The following MROH9 variants were observed in gnomAD, a reference collection of about 807,000 sequenced individuals.
The protein encoded by MROH9 is maestro heat like repeat family member 9.
Under a neutral mutation model 98.2 loss-of-function variants are expected in MROH9, and 92 were observed. The ratio of observed to expected loss-of-function variants is 0.94; its 90% CI spans 0.79 to 1.11. The LOEUF is 1.11. MROH9 is among the 50% of genes most tolerant of loss of function. The pLI is 0.00. For missense variants in MROH9, 1,057 were observed against 1,014.8 expected (o/e 1.04, Z -0.57); for synonymous variants, 397 against 368.9 (o/e 1.08, Z -0.87).
chr1:170,957,795 G>C (rs9427201), intron 3 of MROH9, among the ~76,000 whole-genome samples: 1 of 124,648 alleles, frequency 8.0e-6, no homozygotes, highest in Non-Finnish European at 1.9e-5. Context: ...GCATTTTTTT[G>C]TTTTTTTTTT....
intron 3 of MROH9, among the ~76,000 whole-genome samples, chr1:170,954,617 G>A (rs1185037899): frequency 6.6e-6 from 1 of 151,936 alleles, no homozygotes; most frequent in African/African-American, 2.4e-5. Flanking sequence ...TTACGTTCAT[G>A]CCAAGGGTTT....
At chr1:171,009,898 C>A (rs1364378139) in intron 15 of MROH9, among the ~76,000 whole-genome samples, 1 of 152,226 alleles carries the variant, frequency 6.6e-6, no homozygotes, top group East Asian at 1.9e-4. Flanking sequence ...TACTAGCCAA[C>A]TTTGAGTATC....
intron 17 of MROH9, among the ~76,000 whole-genome samples, chr1:171,017,274 G>T (rs56053729): frequency 0.09 from 13,722 of 152,238 alleles, 720 homozygotes; most frequent in Middle Eastern, 0.17. Context: ...AACTGACTAG[G>T]CAGCGGGCAT....
At chr1:170,996,751 A>G in intron 14 of MROH9, 107 bp downstream of exon 14, 2 of 1,028,960 alleles carry the variant, frequency 1.9e-6, no homozygotes, top group Non-Finnish European at 2.8e-6. Context: ...CCAATTTCCA[A>G]ATCTCTCTTA....
intron 8 of MROH9, among the ~76,000 whole-genome samples, chr1:170,976,061 G>T (rs1285515028): frequency 6.6e-6 from 1 of 152,092 alleles, no homozygotes; most frequent in African/African-American, 2.4e-5. Context: ...TGTGAGATGG[G>T]TCTCTTGAAG....
At chr1:170,986,279 T>A (rs1651127639) in intron 9 of MROH9, among the ~76,000 whole-genome samples, 1 of 152,210 alleles carries the variant, frequency 6.6e-6, no homozygotes, top group South Asian at 2.1e-4. Context: ...CAAAACTGAA[T>A]AAATTCATGA....
intron 20 of MROH9, among the ~76,000 whole-genome samples, chr1:171,041,340 T>A (rs1336322854): frequency 1.6e-5 from 2 of 125,194 alleles, no homozygotes; most frequent in Admixed American, 1.7e-4. Flanking sequence ...CTGAGTAGTA[T>A]TCCATGATGT....
chr1:170,974,054 A>G (rs1650587334), intron 8 of MROH9, among the ~76,000 whole-genome samples: 1 of 152,204 alleles, frequency 6.6e-6, no homozygotes, highest in Admixed American at 6.5e-5. Flanking sequence ...ATGGATTAAC[A>G]AAAACTTTGC....
chr1:170,946,076 A>C (rs1571436795), intron 2 of MROH9, among the ~76,000 whole-genome samples: 1 of 152,158 alleles, frequency 6.6e-6, no homozygotes, highest in Non-Finnish European at 1.5e-5. Context: ...GAAAGCAAGA[A>C]GTTATCAAAA....
At chr1:170,952,754 A>T (rs56381987) in intron 3 of MROH9, among the ~76,000 whole-genome samples, 11,987 of 149,490 alleles carry the variant, frequency 0.08, 612 homozygotes, top group Non-Finnish European at 0.11. Context: ...TATAATAAAA[A>T]ATATATATAT....
At position 171,059,890 on chromosome 1, in the gene MROH9, G is replaced by A. The variant is rs139232747; in HGVS notation, c.2282-2242G>A. ...ACCAGGGCCTGTCTGGGAGTGGGAG[G>A]TGAGGGGAAGAAACTTAGAGGATGG... On this transcript the variant is annotated intron_variant, in intron 20 of 21. Transcript: ENST00000367759. Among the ~76,000 whole-genome samples the A allele has an allele frequency of 1.2e-4, 19 of 152,242 alleles. 1 individual carries two copies. The East Asian group carries it at 3.7e-3, about 29-fold the overall frequency.
intron 7 of MROH9, among the ~76,000 whole-genome samples, chr1:170,969,801 A>G (rs1032760455): frequency 6.6e-6 from 1 of 152,190 alleles, no homozygotes; most frequent in Non-Finnish European, 1.5e-5. Flanking sequence ...GTTTTTAAAT[A>G]TCTGCTTCTT....
intron 15 of MROH9, among the ~76,000 whole-genome samples, chr1:171,004,995 AT>A (rs1157259810): frequency 1.4e-5 from 2 of 146,458 alleles, no homozygotes; most frequent in African/African-American, 5.1e-5. Flanking sequence ...TTTTTTTTCT[AT>A]TTCTGTAAAA....
At position 170,986,587 on chromosome 1, in the gene MROH9, C is replaced by G. The variant is rs1365101555; in HGVS notation, c.756C>G (p.Pro252=). 1 of 1,613,712 alleles carries G rather than the reference C, an allele frequency of 6.2e-7. No individual in the cohort carries two copies. Among genetic ancestry groups the G allele is most frequent in the Non-Finnish European group, 8.5e-7 (1 of 1,179,828 alleles). ...GAGTAGGGCAAACCTTACTGCCTCC[C>G]TTGCTGACTGACTTTGTGCAGAGTC... ...AQRVGQTLLP[P]LLTDFVQSLL... is the part of the protein sequence containing the mutation. The change falls in exon 10 of 22, where the codon CCC becomes CCG. Residue 252 remains proline (P), a synonymous_variant. Transcript: ENST00000367759.
chr1:171,064,666 C>T lies in MROH9; in HGVS notation c.*326C>T, dbSNP rs1312045489. 9.3e-6 allele frequency: 2 copies of T among 215,092 alleles called. No homozygotes were observed. The highest frequency in any genetic ancestry group is 4.7e-5 in the African/African-American group (2 of 42,548). 13.3% of individuals were successfully genotyped at this position (215,092 alleles called of 1,614,324 possible). A position where few individuals can be genotyped will look rare whatever the true frequency, so the allele number is the denominator to read the frequency against. ...AACTTGATTCAGTCCGGAAGCTCTACTGAGCACCTTCTAAGTGCCAGATAC... is the reference window on the plus strand; with the variant it reads ...AACTTGATTCAGTCCGGAAGCTCTATTGAGCACCTTCTAAGTGCCAGATAC... On this transcript the variant is annotated 3_prime_UTR_variant, in exon 22 of 22. Transcript: ENST00000367759.
chr1:170,958,583 C>T lies in MROH9; in HGVS notation c.152+43C>T, dbSNP rs57453792. On this transcript the variant is annotated intron_variant, in intron 4 of 21. Transcript: ENST00000367759. Reference sequence around the variant, plus strand: ...GCTCTTTTATTTCACTAATTGGATGCATTTAAAATGTTATATCTTTAAAAA... The same window carrying T: ...GCTCTTTTATTTCACTAATTGGATGTATTTAAAATGTTATATCTTTAAAAA... The T allele has an allele frequency of 4.9e-6, 6 of 1,226,392 alleles. No homozygotes were observed. The African/African-American group carries it at 2.1e-4, about 43-fold the overall frequency. The allele number at this position is 1,226,392 out of a possible 1,614,324, so 76.0% of individuals were successfully genotyped here. A position where few individuals can be genotyped will look rare whatever the true frequency, so the allele number is the denominator to read the frequency against.
chr1:171,059,175 A>G (rs1653941297), intron 20 of MROH9, among the ~76,000 whole-genome samples: 1 of 152,180 alleles, frequency 6.6e-6, no homozygotes, highest in African/African-American at 2.4e-5. Context: ...TGAATCAACC[A>G]AGTGGAAGAA....
At chr1:171,030,225 T>A (rs1197644712) in intron 20 of MROH9, among the ~76,000 whole-genome samples, 1 of 152,182 alleles carries the variant, frequency 6.6e-6, no homozygotes, top group Non-Finnish European at 1.5e-5. Context: ...TTGTTAGTCT[T>A]TTTGAAAAAC....
chr1:171,004,201 C>T (rs1366115967), intron 15 of MROH9, among the ~76,000 whole-genome samples: 2 of 152,188 alleles, frequency 1.3e-5, no homozygotes, highest in Non-Finnish European at 2.9e-5. Context: ...TTTAGTTCTT[C>T]CCCTGCCTGT....
Sources: gnomAD v4.1 joint callset for allele counts (sites outside exome capture counted in the v4.1 genomes callset) on GRCh38, gnomAD v4.1.1 for gene constraint, MANE v1.5 for transcripts, NCBI Gene and HGNC (gene_info 2026-07-23, HGNC 2026-07-21) for gene names.